MND1: variants seen among roughly 807,000 people sequenced by gnomAD.
MND1 encodes meiotic nuclear division protein 1 homolog.
In MND1, 28 loss-of-function variants were observed where a neutral mutation model predicts 35.1. The ratio of observed to expected loss-of-function variants is 0.80; its 90% CI spans 0.59 to 1.09. MND1 has a LOEUF of 1.09. Among genes scored for constraint, MND1 ranks in the 50% least tolerant of loss-of-function variants. The pLI is 0.00. For synonymous variants in MND1, 69 were observed against 70.5 expected, an observed-to-expected ratio of 0.98 and a Z score of 0.11; for missense variants, 213 against 239.6, an observed-to-expected ratio of 0.89 and a Z score of 0.73.
At chr4:153,377,655 G>A (rs60211199) in intron 4 of MND1, among the ~76,000 whole-genome samples, 1 of 152,142 alleles carries the variant, frequency 6.6e-6, no homozygotes, top group South Asian at 2.1e-4. Context: ...CTTCCGAAAA[G>A]GCTTTATAGT....
chr4:153,358,271 T>G (rs1372167692), intron 3 of MND1, among the ~76,000 whole-genome samples: 1 of 152,226 alleles, frequency 6.6e-6, no homozygotes, highest in Non-Finnish European at 1.5e-5. Context: ...GTATAAGTCA[T>G]GCTTTGCTTA....
At chr4:153,412,339 TG>T (rs970227315) in intron 7 of MND1, among the ~76,000 whole-genome samples, 5 of 152,038 alleles carry the variant, frequency 3.3e-5, no homozygotes, top group Non-Finnish European at 5.9e-5. Context: ...ACAGATAGGG[TG>T]GCTTAAACAA....
chr4:153,353,428 T>TAC (rs1456645380), intron 2 of MND1, among the ~76,000 whole-genome samples: 2 of 134,484 alleles, frequency 1.5e-5, no homozygotes, highest in Admixed American at 1.4e-4. Context: ...TATATATATA[T>TAC]ATATATATAT....
intron 4 of MND1, among the ~76,000 whole-genome samples, chr4:153,361,317 A>G (rs190413332): frequency 6.6e-6 from 1 of 152,306 alleles, no homozygotes; most frequent in Admixed American, 6.5e-5. Flanking sequence ...CAGCATTTTG[A>G]AAATATTACT....
At chr4:153,393,913 G>T (rs1729119474) in intron 4 of MND1, among the ~76,000 whole-genome samples, 2 of 104,144 alleles carry the variant, frequency 1.9e-5, no homozygotes, top group Admixed American at 9.3e-5. Flanking sequence ...TATAGTGTTT[G>T]ACTTTGTTTT....
At chr4:153,376,476 T>C (rs1728513637) in intron 4 of MND1, among the ~76,000 whole-genome samples, 2 of 152,188 alleles carry the variant, frequency 1.3e-5, no homozygotes, top group Non-Finnish European at 2.9e-5. Context: ...ACAATTCAAC[T>C]TCAAGGGAAT....
intron 4 of MND1, among the ~76,000 whole-genome samples, chr4:153,362,269 T>G (rs1008510606): frequency 1.3e-5 from 2 of 152,202 alleles, no homozygotes; most frequent in African/African-American, 2.4e-5. Flanking sequence ...CATGTCAAAT[T>G]GTAATCCCCA....
chr4:153,381,498 G>A (rs549332981), intron 4 of MND1, among the ~76,000 whole-genome samples: 1 of 150,692 alleles, frequency 6.6e-6, no homozygotes, highest in Admixed American at 6.7e-5. Flanking sequence ...CTGCTACCAG[G>A]TAGTGGCAGA....
intron 4 of MND1, among the ~76,000 whole-genome samples, chr4:153,376,433 C>A (rs1035689889): frequency 1.3e-5 from 2 of 152,162 alleles, no homozygotes; most frequent in African/African-American, 4.8e-5. Context: ...CTTCTTTGCC[C>A]TTCCCAAATA....
At chr4:153,379,301 A>AG (rs1728600129) in intron 4 of MND1, among the ~76,000 whole-genome samples, 1 of 150,404 alleles carries the variant, frequency 6.6e-6, no homozygotes, top group South Asian at 2.1e-4. Context: ...AAAAAAAAAA[A>AG]AAAGAAGAAG....
intron 4 of MND1, among the ~76,000 whole-genome samples, chr4:153,385,293 A>G (rs1172355224): frequency 2.0e-5 from 3 of 152,212 alleles, no homozygotes; most frequent in South Asian, 2.1e-4. Flanking sequence ...GGCCAGCACT[A>G]TATGAAAGAG....
intron 4 of MND1, among the ~76,000 whole-genome samples, chr4:153,367,182 T>C (rs1422829900): frequency 1.3e-5 from 2 of 152,224 alleles, no homozygotes; most frequent in African/African-American, 4.8e-5. Context: ...ATTTAAAGTG[T>C]ATGATGTAAT....
intron 4 of MND1, among the ~76,000 whole-genome samples, chr4:153,366,547 G>T (rs940554357): frequency 2.0e-5 from 3 of 152,210 alleles, no homozygotes; most frequent in African/African-American, 7.2e-5. Flanking sequence ...TCAGAGACAA[G>T]TCTTTATAAT....
intron 6 of MND1, among the ~76,000 whole-genome samples, chr4:153,397,664 C>A (rs1204741044): frequency 6.8e-6 from 1 of 146,872 alleles, no homozygotes; most frequent in Non-Finnish European, 1.5e-5. Context: ...AAAAAAAAAA[C>A]ACAAAATTAG....
intron 6 of MND1, among the ~76,000 whole-genome samples, chr4:153,400,984 C>T (rs1404903310): frequency 6.6e-6 from 1 of 152,044 alleles, no homozygotes; most frequent in Non-Finnish European, 1.5e-5. Flanking sequence ...CAATGTCTGA[C>T]ATGAAAAATA....
At chr4:153,345,581 G>GT in intron 1 of MND1, 4 of 968,718 alleles carry the variant, frequency 4.1e-6, no homozygotes, top group Non-Finnish European at 4.9e-6. Context: ...GTTTCATGCC[G>GT]TTTTTTCTGC....
At chr4:153,394,029 C>T (rs1041665501) in intron 4 of MND1, among the ~76,000 whole-genome samples, 3 of 140,386 alleles carry the variant, frequency 2.1e-5, no homozygotes, top group African/African-American at 5.5e-5. Context: ...TCTCGAGTAG[C>T]GGGGACTACA....
In MND1 at chr4:153,398,742, A is replaced by C. The variant is rs1250102685; in HGVS notation, c.466+1409A>C. 2.0e-5 allele frequency among the ~76,000 whole-genome samples: 3 copies of C among 151,764 alleles called. No individual in the cohort carries two copies. The East Asian group carries it at 5.8e-4, about 29-fold the overall frequency. On this transcript the variant is annotated intron_variant, in intron 6 of 7. Transcript: ENST00000240488. ...TTATTTGTCATCATCCTGCAGAAGA[A>C]AGTGCTAATCAAATCTACACCTACA...
At chr4:153,352,759 A>C (rs951836464) in intron 2 of MND1, among the ~76,000 whole-genome samples, 5 of 151,684 alleles carry the variant, frequency 3.3e-5, no homozygotes, top group African/African-American at 9.7e-5. Flanking sequence ...AAAAAAAAAA[A>C]AAAAAAAAAC....
Sources: gnomAD v4.1 joint callset for allele counts (sites outside exome capture counted in the v4.1 genomes callset) on GRCh38, gnomAD v4.1.1 for gene constraint, MANE v1.5 for transcripts, NCBI Gene and HGNC (gene_info 2026-07-23, HGNC 2026-07-21) for gene names.